PDZD2: variants seen among roughly 807,000 people sequenced by gnomAD.
PDZD2 encodes PDZ domain containing 2, also known as PDZ domain-containing protein 2.
PDZD2 carries 90 observed loss-of-function variants against 220.7 expected under a neutral mutation model. The ratio of observed to expected loss-of-function variants is 0.41; its 90% CI spans 0.34 to 0.49. The LOEUF (loss-of-function observed/expected upper bound fraction) is 0.49, where lower values mean the gene tolerates loss of function less well. PDZD2 is among the 20% of genes least tolerant of loss of function. PDZD2 has a pLI of 0.28. For synonymous variants in PDZD2, 1,375 were observed against 1,450.5 expected (o/e 0.95, Z 1.18); for missense variants, 3,174 against 3,608.5 (o/e 0.88, Z 3.08).
intron 1 of PDZD2, among the ~76,000 whole-genome samples, chr5:31,674,139 A>G (rs1443006477): frequency 6.6e-6 from 1 of 152,188 alleles, no homozygotes; most frequent in Non-Finnish European, 1.5e-5. Context: ...TTGATAAGCC[A>G]CCCAGTCTAC....
At chr5:31,689,355 T>TATATATATA (rs1208262874) in intron 1 of PDZD2, among the ~76,000 whole-genome samples, 115 of 20,828 alleles carry the variant, frequency 5.5e-3, no homozygotes, top group Admixed American at 0.024. Context: ...ATATATATAT[T>TATATATATA]TTTTTTTTTT....
intron 2 of PDZD2, among the ~76,000 whole-genome samples, chr5:31,857,031 A>G (rs1228558016): frequency 6.6e-6 from 1 of 151,890 alleles, no homozygotes; most frequent in Non-Finnish European, 1.5e-5. Flanking sequence ...TGTCTTTTCT[A>G]GAGGCGTGGT....
intron 2 of PDZD2, among the ~76,000 whole-genome samples, chr5:31,894,316 ACAGCTG>A (rs773763339): frequency 6.6e-6 from 1 of 152,004 alleles, no homozygotes; most frequent in Non-Finnish European, 1.5e-5. Context: ...AGCTCTGGCC[ACAGCTG>A]CAGCTGCAGC....
At chr5:31,957,317 G>A (rs1317544696) in intron 2 of PDZD2, among the ~76,000 whole-genome samples, 1 of 152,152 alleles carries the variant, frequency 6.6e-6, no homozygotes, top group African/African-American at 2.4e-5. Flanking sequence ...CGCCAGTCAC[G>A]CAGTGGTTCA....
chr5:31,984,918 T>C (rs1300404838), intron 3 of PDZD2, among the ~76,000 whole-genome samples: 1 of 152,178 alleles, frequency 6.6e-6, no homozygotes, highest in Non-Finnish European at 1.5e-5. Context: ...TAGCCAAATG[T>C]ACAATGGGTT....
intron 1 of PDZD2, among the ~76,000 whole-genome samples, chr5:31,782,087 A>T: frequency 6.6e-6 from 1 of 152,184 alleles, no homozygotes; most frequent in East Asian, 1.9e-4. Context: ...AGGCCTGTTG[A>T]GGCAGGGTAG....
chr5:31,681,457 T>G (rs889395184), intron 1 of PDZD2, among the ~76,000 whole-genome samples: 1 of 152,102 alleles, frequency 6.6e-6, no homozygotes, highest in Non-Finnish European at 1.5e-5. Flanking sequence ...CATGTTGGTC[T>G]GGCTGGTCTT....
intron 5 of PDZD2, among the ~76,000 whole-genome samples, chr5:32,007,062 C>T (rs1038608969): frequency 6.6e-5 from 10 of 151,972 alleles, no homozygotes; most frequent in African/African-American, 1.9e-4. Flanking sequence ...ACTACAGGCG[C>T]CCGCCACCAC....
At chr5:31,979,059 G>A (rs1289927504) in intron 2 of PDZD2, among the ~76,000 whole-genome samples, 1 of 152,158 alleles carries the variant, frequency 6.6e-6, no homozygotes, top group East Asian at 1.9e-4. Flanking sequence ...GTACAGGGGA[G>A]AAAGATATCT....
At chr5:31,919,281 GTTATTAT>G (rs1428224147) in intron 2 of PDZD2, among the ~76,000 whole-genome samples, 2 of 151,998 alleles carry the variant, frequency 1.3e-5, no homozygotes, top group African/African-American at 4.8e-5. Context: ...GAAAGATTCA[GTTATTAT>G]TCATATGGCT....
Position 31,799,187 on chromosome 5 carries a change from CTG to C in PDZD2, c.-59_-58del, listed in dbSNP as rs1754232177. 1 of 1,161,668 alleles carries C rather than the reference CTG, an allele frequency of 8.6e-7. No homozygotes were observed. Among genetic ancestry groups the C allele is most frequent in the Non-Finnish European group, 1.2e-6 (1 of 810,374 alleles). 72.0% of individuals were successfully genotyped at this position (1,161,668 alleles called of 1,614,324 possible). On this transcript the variant is annotated 5_prime_UTR_variant, in exon 2 of 25. It removes the in-frame stop codon of an upstream open reading frame in the 5' UTR. Coordinates refer to ENST00000438447, the MANE Select transcript of PDZD2 (RefSeq NM_178140.4). The stretch of plus-strand genomic sequence containing the variant: ...CAGGGACCCCAGGGGACGTGGGGCC[CTG>C]TGGGGTCTGGCCCCCAGGAGCAAGA...
intron 6 of PDZD2, among the ~76,000 whole-genome samples, chr5:32,024,703 A>AAAAAAAAG (rs1561378496): frequency 7.1e-6 from 1 of 140,234 alleles, no homozygotes. Context: ...AGAAAGAAAA[A>AAAAAAAAG]AAAGAAAAGG....
intron 1 of PDZD2, among the ~76,000 whole-genome samples, chr5:31,754,000 G>A (rs555914428): frequency 2.6e-5 from 4 of 152,274 alleles, no homozygotes; most frequent in East Asian, 1.9e-4. Context: ...TTGTAAGCCC[G>A]AATCCCAGCT....
At chr5:31,812,166 G>A (rs1755160789) in intron 2 of PDZD2, among the ~76,000 whole-genome samples, 1 of 152,054 alleles carries the variant, frequency 6.6e-6, no homozygotes, top group South Asian at 2.1e-4. Context: ...CCAGTGTAAT[G>A]GGCAGAAAGA....
chr5:31,653,350 C>G (rs1486761249), intron 1 of PDZD2, among the ~76,000 whole-genome samples: 1 of 151,926 alleles, frequency 6.6e-6, no homozygotes, highest in Non-Finnish European at 1.5e-5. Flanking sequence ...CTATAATAGG[C>G]CCTTCATGAA....
At chr5:31,817,310 G>A (rs1315926719) in intron 2 of PDZD2, among the ~76,000 whole-genome samples, 1 of 151,614 alleles carries the variant, frequency 6.6e-6, no homozygotes, top group Non-Finnish European at 1.5e-5. Flanking sequence ...CCTGGCCAAC[G>A]TGGTGAAACC....
At chr5:31,728,038 G>A (rs1037987491) in intron 1 of PDZD2, among the ~76,000 whole-genome samples, 13 of 149,836 alleles carry the variant, frequency 8.7e-5, no homozygotes, top group African/African-American at 3.2e-4. Flanking sequence ...GCAGAAGACC[G>A]TCGCTGACCA....
intron 1 of PDZD2, among the ~76,000 whole-genome samples, chr5:31,782,707 A>ATTTTTTTT (rs34166035): frequency 2.1e-5 from 2 of 96,522 alleles, no homozygotes; most frequent in Non-Finnish European, 3.8e-5. Context: ...ACCACTTTAG[A>ATTTTTTTT]TTTTTTTTTT....
intron 1 of PDZD2, among the ~76,000 whole-genome samples, chr5:31,730,704 G>A (rs187621432): frequency 6.6e-6 from 1 of 152,116 alleles, no homozygotes; most frequent in Admixed American, 6.6e-5. Flanking sequence ...TTTCAGGACG[G>A]TCTTGGAATG....
Sources: allele counts gnomAD v4.1 joint callset (sites outside exome capture counted in the v4.1 genomes callset), GRCh38; gene constraint gnomAD v4.1.1; transcripts MANE v1.5; gene names NCBI Gene and HGNC (gene_info 2026-07-23, HGNC 2026-07-21).